Variants in ADGRF5 observed in about 807,000 individuals in gnomAD.
The protein encoded by ADGRF5 is adhesion G protein-coupled receptor F5.
ADGRF5 carries 75 observed loss-of-function variants against 132.3 expected under a neutral mutation model. That is an observed-to-expected ratio of 0.57 (90% confidence interval 0.47 to 0.69). The LOEUF is 0.69. ADGRF5 is among the 30% of genes least tolerant of loss of function. The pLI is 0.00. For missense variants in ADGRF5, 1,516 were observed against 1,630.6 expected (o/e 0.93, Z 1.21); for synonymous variants, 629 against 597.6 (o/e 1.05, Z -0.77).
chr6:46,907,344 T>A (rs1270493764), intron 1 of ADGRF5, among the ~76,000 whole-genome samples: 1 of 152,038 alleles, frequency 6.6e-6, no homozygotes, highest in East Asian at 1.9e-4. Flanking sequence ...CCCATCTTAT[T>A]CATTGAGTTC....
intron 3 of ADGRF5, among the ~76,000 whole-genome samples, chr6:46,890,780 C>A (rs1462356528): frequency 6.6e-6 from 1 of 152,100 alleles, no homozygotes; most frequent in African/African-American, 2.4e-5. Context: ...TTAAAATTTA[C>A]ATTCTATCTG....
intron 14 of ADGRF5, 54 bp from the exon 15 acceptor site, chr6:46,863,150 T>A: frequency 7.6e-7 from 1 of 1,316,112 alleles, no homozygotes; most frequent in Non-Finnish European, 1.1e-6. Context: ...GACAATATAG[T>A]AGAAATACGG....
At chr6:46,946,019 A>G (rs530164426) in intron 1 of ADGRF5, among the ~76,000 whole-genome samples, 1 of 152,192 alleles carries the variant, frequency 6.6e-6, no homozygotes, top group Non-Finnish European at 1.5e-5. Context: ...TGTGGGGATT[A>G]TTACAGCTCA....
chr6:46,875,981 C>T (rs73468787), intron 10 of ADGRF5, among the ~76,000 whole-genome samples: 2,012 of 152,214 alleles, frequency 0.013, 24 homozygotes, highest in Middle Eastern at 0.034. Context: ...ATTTCCTTTC[C>T]GTCTCATCCT....
At chr6:46,864,844 T>A (rs1770224247) in intron 14 of ADGRF5, among the ~76,000 whole-genome samples, 198 bp downstream of exon 14, 1 of 152,188 alleles carries the variant, frequency 6.6e-6, no homozygotes, top group African/African-American at 2.4e-5. Context: ...TTTTATCACA[T>A]AGATTTCTTC....
At chr6:46,951,351 C>A (rs1193393911) in intron 1 of ADGRF5, among the ~76,000 whole-genome samples, 1 of 152,150 alleles carries the variant, frequency 6.6e-6, no homozygotes, top group Non-Finnish European at 1.5e-5. Context: ...AATAGCTGTC[C>A]CTTGAGAGCG....
At chr6:46,917,081 T>G (rs1776481602) in intron 1 of ADGRF5, among the ~76,000 whole-genome samples, 1 of 152,134 alleles carries the variant, frequency 6.6e-6, no homozygotes, top group African/African-American at 2.4e-5. Context: ...ACTTGCCATA[T>G]GGCAAGCATT....
chr6:46,854,627 G>T, intron 20 of ADGRF5: 2 of 711,588 alleles, frequency 2.8e-6, no homozygotes, highest in Non-Finnish European at 4.3e-6. Flanking sequence ...AACTGCACAG[G>T]CTTGTCTGCG....
chr6:46,944,434 G>C (rs143281550), intron 1 of ADGRF5, among the ~76,000 whole-genome samples: 2 of 152,148 alleles, frequency 1.3e-5, no homozygotes, highest in African/African-American at 4.8e-5. Context: ...GGGGACTCTT[G>C]TTCTAAGGTG....
In ADGRF5 at chr6:46,852,688, G is replaced by T. The variant is rs1444391944; in HGVS notation, c.*1304C>A. On this transcript the variant is annotated 3_prime_UTR_variant, in exon 21 of 21. Coordinates refer to ENST00000283296, the MANE Select transcript of ADGRF5 (RefSeq NM_001098518.2). ...CACAAACAATCAAATCCTTGGGAAA[G>T]GCTCTGCCATTTGTTCAACAAGGTC... is the stretch of plus-strand genomic sequence containing the variant. 1 of 152,142 alleles carries T rather than the reference G, an allele frequency of 6.6e-6. No homozygotes were observed. Among genetic ancestry groups the T allele is most frequent in the African/African-American group, 2.4e-5 (1 of 41,422 alleles). 9.4% of individuals were successfully genotyped at this position (152,142 alleles called of 1,614,324 possible).
chr6:46,919,048 G>A (rs1243549269), intron 1 of ADGRF5, among the ~76,000 whole-genome samples: 2 of 152,074 alleles, frequency 1.3e-5, no homozygotes, highest in Non-Finnish European at 2.9e-5. Context: ...TTTTCTCTTT[G>A]TTAAGTTCCT....
At chr6:46,914,220 A>G (rs1245258247) in intron 1 of ADGRF5, among the ~76,000 whole-genome samples, 1 of 152,222 alleles carries the variant, frequency 6.6e-6, no homozygotes, top group Non-Finnish European at 1.5e-5. Flanking sequence ...ATAGAATGCC[A>G]TCAGCAACCT....
intron 4 of ADGRF5, among the ~76,000 whole-genome samples, 183 bp from the exon 5 acceptor site, chr6:46,884,454 G>A (rs879104963): frequency 1.1e-4 from 16 of 152,208 alleles, no homozygotes; most frequent in Non-Finnish European, 2.2e-4. Flanking sequence ...CATGCTATTA[G>A]CCATGACAAT....
chr6:46,895,126 G>A lies in ADGRF5; in HGVS notation c.157+4903C>T, dbSNP rs542535688. 9.2e-5 allele frequency among the ~76,000 whole-genome samples: 14 copies of A among 151,996 alleles called. No individual in the cohort carries two copies. The East Asian group carries it at 2.5e-3, about 27-fold the overall frequency. On this transcript the variant is annotated intron_variant, in intron 3 of 20. Coordinates refer to ENST00000283296, the MANE Select transcript of ADGRF5 (RefSeq NM_001098518.2). ...TGGGAGGCGGAGGTTGCAGTGAGCC[G>A]AGATCGCACCACTGCACTCCAGCCT...
chr6:46,933,755 G>A (rs1582058579), intron 1 of ADGRF5, among the ~76,000 whole-genome samples: 1 of 152,116 alleles, frequency 6.6e-6, no homozygotes, highest in African/African-American at 2.4e-5. Flanking sequence ...GCACAATGAG[G>A]GGGTCCACAT....
Position 46,879,844 on chromosome 6 carries a change from A to T in ADGRF5, c.1010T>A (p.Ile337Asn). ...NNMTSVSKLT[I>N]HNITPGDAGE... Reference sequence around the variant, plus strand: ...TGCATCACCTGGAGTGATGTTGTGGATGGTGAGCTTGGACACCGAAGTCAT... The same window carrying T: ...TGCATCACCTGGAGTGATGTTGTGGTTGGTGAGCTTGGACACCGAAGTCAT... Residue 337 changes from isoleucine (I) to asparagine (N), a missense_variant, in exon 9 of 21, where the codon ATC (isoleucine) becomes AAC (asparagine). Coordinates refer to ENST00000283296, the MANE Select transcript of ADGRF5 (RefSeq NM_001098518.2). 6.2e-7 allele frequency: 1 copy of T among 1,613,356 alleles called. No homozygotes were observed. The highest frequency in any genetic ancestry group is 8.5e-7 in the Non-Finnish European group (1 of 1,179,306).
intron 3 of ADGRF5, among the ~76,000 whole-genome samples, chr6:46,897,434 GCAATCTGAAAAT>G (rs1774300247): frequency 6.6e-6 from 1 of 152,088 alleles, no homozygotes; most frequent in Non-Finnish European, 1.5e-5. Flanking sequence ...AAAGGGAATA[GCAATCTGAAAAT>G]CAGAGCCCAG....
rs12374606 is a variant in ADGRF5, at chr6:46,859,491, G to T, written c.2412C>A (p.Gly804=). Residue 804 remains glycine, a synonymous_variant, in exon 17 of 21, where the codon GGC becomes GGA. Transcript: ENST00000283296. ...CCTTCCAGGTGTTCAAGACGGGCTT[G>T]CCAAGGATGACATTAACCGTAGAGA... is the stretch of plus-strand genomic sequence containing the variant. ...HVLSTVNVIL[G]KPVLNTWKVL... 132 of 1,612,764 alleles carry T rather than the reference G, an allele frequency of 8.2e-5. No homozygotes were observed. Among genetic ancestry groups the T allele is most frequent in the Non-Finnish European group, 1.0e-4 (122 of 1,179,120 alleles).
At chr6:46,890,847 A>T (rs1031079372) in intron 3 of ADGRF5, among the ~76,000 whole-genome samples, 2 of 152,222 alleles carry the variant, frequency 1.3e-5, no homozygotes, top group East Asian at 3.8e-4. Flanking sequence ...AGGGCAAAAA[A>T]TTTTCCCATA....
Sources: allele counts gnomAD v4.1 joint callset (sites outside exome capture counted in the v4.1 genomes callset), GRCh38; gene constraint gnomAD v4.1.1; transcripts MANE v1.5; gene names NCBI Gene and HGNC (gene_info 2026-07-23, HGNC 2026-07-21).